Variants in PSMB9 observed in about 807,000 individuals in gnomAD.
PSMB9 encodes the protein proteasome 20S subunit beta 9, also known as proteasome subunit beta type-9.
In PSMB9, 16 loss-of-function variants were observed where a neutral mutation model predicts 26.9. That is an observed-to-expected ratio of 0.59 (90% CI 0.40 to 0.90). The LOEUF (loss-of-function observed/expected upper bound fraction) is 0.90, where lower values mean the gene tolerates loss of function less well. Among genes scored for constraint, PSMB9 ranks in the 40% least tolerant of loss-of-function variants. The pLI is 0.00. For synonymous variants in PSMB9, 91 were observed against 112.0 expected (o/e 0.81, Z 1.18); for missense variants, 253 against 292.2 (o/e 0.87, Z 0.98).
At position 32,857,352 on chromosome 6, in the gene PSMB9, A is replaced by G. The variant is rs766012592; in HGVS notation, c.218A>G (p.Gln73Arg). Residue 73 changes from glutamine (Q) to arginine (R), a missense_variant, in exon 3 of 6, where the codon CAA (glutamine) becomes CGA (arginine). Physicochemically the swap from Gln to Arg is conservative, Grantham distance 43 (BLOSUM62 1). Transcript: ENST00000374859. ...CALSGSAADA[Q>R]AVADMAAYQL... ...CTCTCTGGTTCAGCTGCTGATGCCC[A>G]AGCCGTGGCCGACATGGCCGCCTAC... The G allele has an allele frequency of 4.3e-6, 7 of 1,612,672 alleles. No homozygotes were observed. The South Asian group carries it at 4.4e-5, about 10-fold the overall frequency.
intron 2 of PSMB9, chr6:32,856,427 T>C (rs56053144): frequency 9.6e-4 from 502 of 523,234 alleles, no homozygotes; most frequent in Non-Finnish European, 1.4e-3. Context: ...GTCCCAGTAG[T>C]GTACAGGGAT....
rs1007395765 is a variant in PSMB9, at chr6:32,858,582, A to T, written c.532+77A>T. 3.8e-6 allele frequency: 6 copies of T among 1,594,238 alleles called. No individual in the cohort carries two copies. Among genetic ancestry groups the T allele is most frequent in the African/African-American group, 1.3e-5 (1 of 74,570 alleles). The stretch of plus-strand genomic sequence containing the variant: ...GAAGTAGATTATGAGGAACAGGAAG[A>T]GAAATACAGGGGTGGCCATTTAAGT... On this transcript the variant is annotated intron_variant, in intron 5 of 5. Coordinates refer to ENST00000374859, the MANE Select transcript of PSMB9 (RefSeq NM_002800.5). This position sits in a 1 kb window ranked among gnomAD's most constrained non-coding sequence, Gnocchi z 5.2.
intron 3 of PSMB9, 171 bp downstream of exon 3, chr6:32,857,565 A>G: frequency 2.5e-6 from 2 of 797,242 alleles, no homozygotes; most frequent in Non-Finnish European, 3.8e-6. Context: ...AGTGGAGATA[A>G]TATAGTACCT....
At chr6:32,856,034 C>G (rs932562743) in intron 1 of PSMB9, 104 bp from the exon 2 acceptor site, 2 of 1,030,190 alleles carry the variant, frequency 1.9e-6, no homozygotes, top group African/African-American at 3.2e-5. Flanking sequence ...ACTGTGTAAT[C>G]TTTGAGCCAG....
intron 3 of PSMB9, chr6:32,857,766 G>A (rs1771235669): frequency 5.2e-6 from 3 of 579,098 alleles, no homozygotes; most frequent in South Asian, 2.3e-5. Context: ...CATAAGAGCA[G>A]GGTCCTTGCA....
chr6:32,859,545 C>A lies in PSMB9; in HGVS notation c.*13C>A. The A allele has an allele frequency of 6.2e-7, 1 of 1,611,872 alleles. No homozygotes were observed. The highest frequency in any genetic ancestry group is 1.1e-5 in the South Asian group (1 of 90,516). On this transcript the variant is annotated 3_prime_UTR_variant, in exon 6 of 6. Coordinates refer to ENST00000374859, the MANE Select transcript of PSMB9 (RefSeq NM_002800.5). ...CTATGATGAGTGAACCTTCCCCAGA[C>A]TTCTCTTTCTTATTTTGTAATAAAC... is the stretch of plus-strand genomic sequence containing the variant.
Position 32,859,569 on chromosome 6 carries a change from ACT to A in PSMB9, c.*42_*43del, listed in dbSNP as rs748269439. 8.8e-5 allele frequency: 141 copies of A among 1,602,700 alleles called. 1 individual carries two copies. In the East Asian group the frequency reaches 1.0e-3, roughly 11 times the overall value. On this transcript the variant is annotated 3_prime_UTR_variant, in exon 6 of 6. Coordinates refer to ENST00000374859, the MANE Select transcript of PSMB9 (RefSeq NM_002800.5). ...ACTTCTCTTTCTTATTTTGTAATAA[ACT>A]CTCTAGGGCCAAAACCTGGTATGGT...
In PSMB9 at chr6:32,858,441, T is replaced by C. The variant is rs1771270745; in HGVS notation, c.468T>C (p.Gly156=). The change falls in exon 5 of 6, where the codon GGT becomes GGC. Residue 156 remains glycine, a synonymous_variant. Transcript: ENST00000374859. The surrounding 1 kb of genome is among the most constrained non-coding windows in gnomAD (Gnocchi z 5.2). ...IGGSGSTFIY[G]YVDAAYKPGM... ...GCTCCGGCAGCACCTTTATCTATGG[T>C]TATGTGGATGCAGCATATAAGCCAG... is the stretch of plus-strand genomic sequence containing the variant. 1.2e-6 allele frequency: 2 copies of C among 1,612,892 alleles called. No homozygotes were observed. The highest frequency in any genetic ancestry group is 1.7e-5 in the Admixed American group (1 of 60,004).
At chr6:32,857,466 T>G in intron 3 of PSMB9, 72 bp downstream of exon 3, 1 of 1,491,172 alleles carries the variant, frequency 6.7e-7, no homozygotes, top group Non-Finnish European at 8.9e-7. Flanking sequence ...CTGTACAGTG[T>G]GCTGTTCCAG....
rs534055052 is a variant in PSMB9, at chr6:32,857,994, A to G, written c.261-11A>G. 1.6e-5 allele frequency: 26 copies of G among 1,613,044 alleles called. No individual in the cohort carries two copies. The highest frequency in any genetic ancestry group is 1.7e-4 in the Middle Eastern group (1 of 6,060). On this transcript the variant is annotated splice_polypyrimidine_tract_variant and intron_variant, in intron 3 of 5. Transcript: ENST00000374859. ...AATTCTATCAACCTTTATTCCTAAT[A>G]TTTCCCTCAGGATAGAACTGGAGGA...
In PSMB9 at chr6:32,858,851, A is replaced by T. The variant is rs1291262264; in HGVS notation, c.532+346A>T. 1 of 383,884 alleles carries T rather than the reference A, an allele frequency of 2.6e-6. No individual in the cohort carries two copies. Among genetic ancestry groups the T allele is most frequent in the Non-Finnish European group, 4.8e-6 (1 of 207,552 alleles). The allele number at this position is 383,884 out of a possible 1,614,324, so 23.8% of individuals were successfully genotyped here. ...GGAGTTTGAGGCCAGCCTAGGCAAGATGGTGAAACCCTGTCTCCACAAAAA... is the reference window on the plus strand; with the variant it reads ...GGAGTTTGAGGCCAGCCTAGGCAAGTTGGTGAAACCCTGTCTCCACAAAAA... On this transcript the variant is annotated intron_variant, in intron 5 of 5. Coordinates refer to ENST00000374859, the MANE Select transcript of PSMB9 (RefSeq NM_002800.5). The surrounding 1 kb of genome is among the most constrained non-coding windows in gnomAD (Gnocchi z 5.2).
intron 2 of PSMB9, chr6:32,856,465 G>C (rs894642103): frequency 2.5e-6 from 1 of 399,840 alleles, no homozygotes; most frequent in African/African-American, 2.0e-5. Flanking sequence ...CTGAGAGGGG[G>C]ACAGGAGATA....
rs908143158 is a variant in PSMB9, at chr6:32,854,632, G to A, written c.60+343G>A. ...GGTTAAATCAAGAAAGGGGGTTGGGGATGGTGCAAAGAGATGAGGAAATGG... is the reference window on the plus strand; with the variant it reads ...GGTTAAATCAAGAAAGGGGGTTGGGAATGGTGCAAAGAGATGAGGAAATGG... On this transcript the variant is annotated intron_variant, in intron 1 of 5. Transcript: ENST00000374859. The surrounding 1 kb of genome is among the most constrained non-coding windows in gnomAD (Gnocchi z 4.6). 6.6e-6 allele frequency among the ~76,000 whole-genome samples: 1 copy of A among 152,178 alleles called. No homozygotes were observed. Among genetic ancestry groups the A allele is most frequent in the African/African-American group, 2.4e-5 (1 of 41,430 alleles).
intron 1 of PSMB9, 141 bp from the exon 2 acceptor site, chr6:32,855,997 T>G (rs1370428808): frequency 1.5e-6 from 1 of 678,738 alleles, no homozygotes; most frequent in Non-Finnish European, 2.5e-6. Flanking sequence ...AAAAAAAGCC[T>G]GTACTGACAG....
intron 1 of PSMB9, among the ~76,000 whole-genome samples, chr6:32,855,173 T>G (rs1771098348): frequency 6.6e-6 from 1 of 152,182 alleles, no homozygotes; most frequent in Non-Finnish European, 1.5e-5. Context: ...ACTTATAATT[T>G]GGGAAATCTC....
chr6:32,858,969 C>G lies in PSMB9; in HGVS notation c.533-436C>G. 1 of 248,318 alleles carries G rather than the reference C, an allele frequency of 4.0e-6. No homozygotes were observed. The highest frequency in any genetic ancestry group is 7.9e-6 in the Non-Finnish European group (1 of 126,968). The allele number at this position is 248,318 out of a possible 1,614,324, so 15.4% of individuals were successfully genotyped here. A position where few individuals can be genotyped will look rare whatever the true frequency, so the allele number is the denominator to read the frequency against. ...CAGGAGGCTGAGGTGGAAAGATCAT[C>G]TGAGCCGGGGAGATCAAGGCTGTAG... is the stretch of plus-strand genomic sequence containing the variant. On this transcript the variant is annotated intron_variant, in intron 5 of 5. Transcript: ENST00000374859. This position sits in a 1 kb window ranked among gnomAD's most constrained non-coding sequence, Gnocchi z 5.2.
rs745485084 is a variant in PSMB9, at chr6:32,854,195, G to A, written c.-35G>A. ...GCGCTGTCCCAGGTTGGAAACCAGTGCCCCAGGCGGCGAGGAGAGCGGTGC... is the reference window on the plus strand; with the variant it reads ...GCGCTGTCCCAGGTTGGAAACCAGTACCCCAGGCGGCGAGGAGAGCGGTGC... On this transcript the variant is annotated 5_prime_UTR_variant, in exon 1 of 6. Transcript: ENST00000374859. This position sits in a 1 kb window ranked among gnomAD's most constrained non-coding sequence, Gnocchi z 4.6. 60 of 1,544,188 alleles carry A rather than the reference G, an allele frequency of 3.9e-5. No homozygotes were observed. In the South Asian group the frequency reaches 5.7e-4, roughly 15 times the overall value.
In PSMB9 at chr6:32,859,725, A is replaced by T. The variant is rs1435611660; in HGVS notation, c.*193A>T. Reference sequence around the variant, plus strand: ...ATCTTTCCTAGAGAAAACAAAAGGGACTAAACTAGAAATATAAAGAGCCCT... The same window carrying T: ...ATCTTTCCTAGAGAAAACAAAAGGGTCTAAACTAGAAATATAAAGAGCCCT... On this transcript the variant is annotated 3_prime_UTR_variant, in exon 6 of 6. Transcript: ENST00000374859. 1 of 609,772 alleles carries T rather than the reference A, an allele frequency of 1.6e-6. No homozygotes were observed. Among genetic ancestry groups the T allele is most frequent in the Admixed American group, 3.4e-5 (1 of 29,338 alleles). 37.8% of individuals were successfully genotyped at this position (609,772 alleles called of 1,614,324 possible).
In PSMB9 at chr6:32,858,270, T is replaced by A; in HGVS notation, c.391-94T>A. 6.3e-7 allele frequency: 1 copy of A among 1,599,764 alleles called. No homozygotes were observed. Among genetic ancestry groups the A allele is most frequent in the Non-Finnish European group, 8.5e-7 (1 of 1,170,732 alleles). On this transcript the variant is annotated intron_variant, in intron 4 of 5. Transcript: ENST00000374859. The surrounding 1 kb of genome is among the most constrained non-coding windows in gnomAD (Gnocchi z 5.2). ...AGCATAGTACTTTGGGGATATGAGA[T>A]ACCAGGGCTTCATTGCAGGGTGCAG...
Sources: allele counts gnomAD v4.1 joint callset (sites outside exome capture counted in the v4.1 genomes callset), GRCh38; gene constraint gnomAD v4.1.1; non-coding constraint Gnocchi (gnomAD v3.1); transcripts MANE v1.5; gene names NCBI Gene and HGNC (gene_info 2026-07-23, HGNC 2026-07-21).